FSTL4: variants seen among roughly 807,000 people sequenced by gnomAD.
FSTL4 encodes follistatin-related protein 4.
In FSTL4, 28 loss-of-function variants were observed where a neutral mutation model predicts 78.2. The ratio of observed to expected loss-of-function variants is 0.36; its 90% CI spans 0.27 to 0.49. The LOEUF is 0.49. Ranked by LOEUF, FSTL4 falls within the 20% of genes least tolerant of loss-of-function variation. FSTL4 has a pLI of 0.98. For synonymous variants in FSTL4, 422 were observed against 440.5 expected, an observed-to-expected ratio of 0.96 and a Z score of 0.53; for missense variants, 922 against 1,084.9, an observed-to-expected ratio of 0.85 and a Z score of 2.11.
intron 6 of FSTL4, among the ~76,000 whole-genome samples, chr5:133,298,263 A>G (rs1328595678): frequency 2.0e-5 from 3 of 152,240 alleles, no homozygotes; most frequent in Admixed American, 6.5e-5. Flanking sequence ...GAAATTAATT[A>G]TGTGGCTTCA....
chr5:133,703,622 G>A, the FSTL4 span, among the ~76,000 whole-genome samples: 2 of 152,214 alleles, frequency 1.3e-5, no homozygotes, highest in African/African-American at 4.8e-5. Flanking sequence ...CTTTGTACCT[G>A]AGGAAACTTC....
chr5:133,770,874 T>G, the FSTL4 span, among the ~76,000 whole-genome samples: 98 of 152,094 alleles, frequency 6.4e-4, no homozygotes, highest in Non-Finnish European at 2.1e-4. Context: ...TGTTTAGGTC[T>G]TCAATCCATC....
At chr5:133,205,386 CGTGTGT>C (rs3087070) in intron 14 of FSTL4, among the ~76,000 whole-genome samples, 14 of 150,798 alleles carry the variant, frequency 9.3e-5, no homozygotes, top group East Asian at 7.8e-4. Flanking sequence ...TTTTTCTTTG[CGTGTGT>C]GTGTGTGTGT....
chr5:133,285,063 C>T (rs1012937273), intron 6 of FSTL4, among the ~76,000 whole-genome samples: 8 of 152,204 alleles, frequency 5.3e-5, no homozygotes, highest in Non-Finnish European at 1.0e-4. Context: ...CCCCACTGGG[C>T]GGCCCTGAGA....
chr5:133,825,210 C>A, the FSTL4 span, among the ~76,000 whole-genome samples: 1 of 152,180 alleles, frequency 6.6e-6, no homozygotes, highest in African/African-American at 2.4e-5. Flanking sequence ...TTGAAGGACA[C>A]ACCCCCCAGA....
chr5:133,210,066 C>G (rs556693516), intron 14 of FSTL4, 125 bp downstream of exon 14: 1 of 610,768 alleles, frequency 1.6e-6, no homozygotes. Context: ...TCTCCTTGAG[C>G]CTTTATGGAT....
intron 3 of FSTL4, among the ~76,000 whole-genome samples, chr5:133,525,029 C>G (rs1759061419): frequency 6.6e-6 from 1 of 152,192 alleles, no homozygotes; most frequent in South Asian, 2.1e-4. Flanking sequence ...GAAACTTTAC[C>G]TTTTTAACCC....
chr5:133,334,809 A>G (rs974210237), intron 4 of FSTL4, among the ~76,000 whole-genome samples: 2 of 151,832 alleles, frequency 1.3e-5, no homozygotes, highest in African/African-American at 4.8e-5. Flanking sequence ...GGTCCCTGAG[A>G]CTCTGCCATC....
At chr5:133,443,457 A>G (rs986421320) in intron 3 of FSTL4, among the ~76,000 whole-genome samples, 7 of 152,254 alleles carry the variant, frequency 4.6e-5, no homozygotes, top group African/African-American at 1.7e-4. Context: ...CTGCTAGGAC[A>G]TCTGTTTCTT....
chr5:133,553,604 C>T (rs1561467065), intron 3 of FSTL4, among the ~76,000 whole-genome samples: 1 of 152,218 alleles, frequency 6.6e-6, no homozygotes. Flanking sequence ...TATCTGGCTA[C>T]ATTGGACTAT....
chr5:133,263,817 A>T (rs1752587755), intron 6 of FSTL4, among the ~76,000 whole-genome samples: 1 of 152,146 alleles, frequency 6.6e-6, no homozygotes, highest in Non-Finnish European at 1.5e-5. Context: ...GAGAGAAGGG[A>T]GAATTTCAGA....
intron 6 of FSTL4, among the ~76,000 whole-genome samples, chr5:133,309,425 G>A (rs1421227648): frequency 6.6e-6 from 1 of 152,228 alleles, no homozygotes; most frequent in Non-Finnish European, 1.5e-5. Flanking sequence ...GCAATTGGGA[G>A]CCTTGGCTCC....
At chr5:133,255,707 AC>A (rs1352238912) in intron 6 of FSTL4, among the ~76,000 whole-genome samples, 1 of 152,174 alleles carries the variant, frequency 6.6e-6, no homozygotes, top group Non-Finnish European at 1.5e-5. Context: ...ACCCGTCCTC[AC>A]CTTTCTCCCT....
chr5:133,482,116 T>C (rs1486359742), intron 3 of FSTL4, among the ~76,000 whole-genome samples: 1 of 152,208 alleles, frequency 6.6e-6, no homozygotes, highest in Non-Finnish European at 1.5e-5. Flanking sequence ...AACGTCCATA[T>C]TGCAAAGGAA....
rs184801104 is a variant in FSTL4, at chr5:133,514,133, C to T, written c.160+53053G>A. The stretch of plus-strand genomic sequence containing the variant: ...AGCGGAGCTTGCAATGAGCCGAGAT[C>T]GAGCCACTGCGTTCCAGCCTGAGCT... On this transcript the variant is annotated intron_variant, in intron 3 of 15. Transcript: ENST00000265342. Among the ~76,000 whole-genome samples the T allele has an allele frequency of 3.8e-3, 579 of 150,830 alleles. 11 individuals carry two copies. Among genetic ancestry groups the T allele is most frequent in the East Asian group, 2.9e-3 (15 of 5,132 alleles).
At chr5:133,606,682 C>T (rs1176436435) in intron 1 of FSTL4, among the ~76,000 whole-genome samples, 2 of 152,228 alleles carry the variant, frequency 1.3e-5, no homozygotes, top group Non-Finnish European at 2.9e-5. Flanking sequence ...TTCTCCCTTT[C>T]CATGTCTCCT....
intron 6 of FSTL4, among the ~76,000 whole-genome samples, chr5:133,271,966 C>A (rs1289061079): frequency 6.6e-6 from 1 of 152,304 alleles, no homozygotes; most frequent in South Asian, 2.1e-4. Context: ...CCCTGAAGAG[C>A]AGCCAGCTTT....
intron 12 of FSTL4, among the ~76,000 whole-genome samples, chr5:133,219,941 A>C (rs565121195): frequency 6.6e-6 from 1 of 152,394 alleles, no homozygotes; most frequent in South Asian, 2.1e-4. Flanking sequence ...ATAATGAAAT[A>C]ACTCAAATGA....
At chr5:133,206,807 C>T (rs576081841) in intron 14 of FSTL4, among the ~76,000 whole-genome samples, 17 of 152,096 alleles carry the variant, frequency 1.1e-4, no homozygotes, top group Non-Finnish European at 2.4e-4. Context: ...ATTTTAGTCT[C>T]TATTCTTTCT....
Sources: allele counts gnomAD v4.1 joint callset (sites outside exome capture counted in the v4.1 genomes callset), GRCh38; gene constraint gnomAD v4.1.1; transcripts MANE v1.5; gene names NCBI Gene and HGNC (gene_info 2026-07-23, HGNC 2026-07-21).